KCTD1: variants seen among roughly 807,000 people sequenced by gnomAD.
The protein encoded by KCTD1 is potassium channel tetramerization domain containing 1.
A neutral mutation model predicts 66.0 loss-of-function variants in KCTD1; 24 were observed. The ratio of observed to expected loss-of-function variants is 0.36; its 90% CI spans 0.26 to 0.51. The LOEUF is 0.51. Ranked by LOEUF, KCTD1 falls within the 20% of genes least tolerant of loss-of-function variation. KCTD1 has a pLI of 0.95. For synonymous variants in KCTD1, 511 were observed against 517.2 expected, an observed-to-expected ratio of 0.99 and a Z score of 0.16; for missense variants, 943 against 1,205.2, an observed-to-expected ratio of 0.78 and a Z score of 3.22.
chr18:26,529,591 C>T (rs1984340992), intron 1 of KCTD1, among the ~76,000 whole-genome samples: 2 of 152,172 alleles, frequency 1.3e-5, no homozygotes. Context: ...CCAAGAGAAA[C>T]TAACCGTTGA....
intron 1 of KCTD1, among the ~76,000 whole-genome samples, chr18:26,601,910 T>G (rs1568006405): frequency 6.6e-6 from 1 of 152,162 alleles, no homozygotes; most frequent in Non-Finnish European, 1.5e-5. Context: ...TAGTATTTTA[T>G]ATATTAAAAA....
At chr18:26,477,279 A>G (rs1231379571) in intron 2 of KCTD1, among the ~76,000 whole-genome samples, 1 of 152,224 alleles carries the variant, frequency 6.6e-6, no homozygotes, top group African/African-American at 2.4e-5. Flanking sequence ...TACAAAAAAA[A>G]TTTGGCCACC....
intron 1 of KCTD1, among the ~76,000 whole-genome samples, chr18:26,622,016 AGTCCAGG>A (rs1987396820): frequency 6.6e-6 from 1 of 152,224 alleles, no homozygotes; most frequent in African/African-American, 2.4e-5. Context: ...GATGGATTCT[AGTCCAGG>A]TTTTCTCTCT....
At chr18:26,477,981 C>T (rs1981437227) in intron 2 of KCTD1, among the ~76,000 whole-genome samples, 1 of 152,176 alleles carries the variant, frequency 6.6e-6, no homozygotes, top group Non-Finnish European at 1.5e-5. Flanking sequence ...GGGATTCTTT[C>T]ACTGCATGCC....
intron 1 of KCTD1, among the ~76,000 whole-genome samples, chr18:26,657,075 G>T (rs1033588645): frequency 1.3e-5 from 2 of 151,366 alleles, no homozygotes; most frequent in African/African-American, 2.4e-5. Flanking sequence ...GCCCCTGCTG[G>T]CCGCACCCGC....
chr18:26,645,054 A>G (rs1987905756), upstream of KCTD1, among the ~76,000 whole-genome samples: 1 of 152,230 alleles, frequency 6.6e-6, no homozygotes, highest in South Asian at 2.1e-4. Flanking sequence ...TTCCAAGAAT[A>G]GTAATTCTGA....
At chr18:26,507,275 A>G (rs1015566207) in intron 1 of KCTD1, among the ~76,000 whole-genome samples, 5 of 152,244 alleles carry the variant, frequency 3.3e-5, no homozygotes, top group African/African-American at 1.2e-4. Flanking sequence ...AAACTTTGCT[A>G]GAATTTTTCT....
chr18:26,610,134 T>G lies in KCTD1; in HGVS notation c.-16+19013A>C, dbSNP rs541033646. Among the ~76,000 whole-genome samples the G allele has an allele frequency of 2.6e-5, 4 of 152,384 alleles. No homozygotes were observed. In the South Asian group the frequency reaches 8.3e-4, roughly 32 times the overall value. The stretch of plus-strand genomic sequence containing the variant: ...CTATGGTGTCTGTCCCTATCTATCT[T>G]GTAAGTCCACTTTGAGTTACTTTTT... On this transcript the variant is annotated intron_variant, in intron 1 of 4. Transcript: ENST00000317932.
chr18:26,595,837 C>G (rs1452131900), intron 1 of KCTD1, among the ~76,000 whole-genome samples: 1 of 152,164 alleles, frequency 6.6e-6, no homozygotes, highest in East Asian at 1.9e-4. Context: ...ACCATGAGTT[C>G]AAGACCAGCC....
intron 1 of KCTD1, among the ~76,000 whole-genome samples, chr18:26,576,909 G>A (rs1325104994): frequency 6.6e-6 from 1 of 152,080 alleles, no homozygotes; most frequent in African/African-American, 2.4e-5. Flanking sequence ...AACTGCCTTT[G>A]TCCATTACCA....
intron 1 of KCTD1, among the ~76,000 whole-genome samples, chr18:26,609,248 T>A (rs1987082810): frequency 6.6e-6 from 1 of 152,224 alleles, no homozygotes; most frequent in African/African-American, 2.4e-5. Context: ...CCCTTAGCAT[T>A]AAATATTTAA....
chr18:26,469,924 A>AAAAC (rs56839156), intron 3 of KCTD1, among the ~76,000 whole-genome samples: 41,641 of 151,628 alleles, frequency 0.27, 6,223 homozygotes, highest in African/African-American at 0.37. Flanking sequence ...CCATCTCAAA[A>AAAAC]AAACAAACAA....
rs1980901759 is a variant in KCTD1 at position 26,468,962 on chromosome 18, G to A, written c.2133+7553C>T. Among the ~76,000 whole-genome samples the A allele has an allele frequency of 6.6e-6, 1 of 152,202 alleles. No homozygotes were observed. The highest frequency in any genetic ancestry group is 2.1e-4 in the South Asian group (1 of 4,836). ...ACGTGCAGACTGAAAGCTCCTATGT[G>A]TACCTGTATTTGTGACTCCTGTAAA... On this transcript the variant is annotated intron_variant, in intron 3 of 4. Transcript: ENST00000580059. This position sits in a 1 kb window ranked among gnomAD's most constrained non-coding sequence, Gnocchi z 4.8.
chr18:26,461,515 A>C (rs1355900040), intron 3 of KCTD1, among the ~76,000 whole-genome samples: 2 of 152,218 alleles, frequency 1.3e-5, no homozygotes, highest in Non-Finnish European at 2.9e-5. Flanking sequence ...GCTGAAAACT[A>C]GGCTGAGGTG....
In KCTD1 at chr18:26,498,047, C is replaced by T. The variant is rs140649486; in HGVS notation, c.1988+3025G>A. Reference sequence around the variant, plus strand: ...ATGCTACATGTTGGGCACAGGGCCACGGTGTGCTTTTCACAATCACATTTA... The same window carrying T: ...ATGCTACATGTTGGGCACAGGGCCATGGTGTGCTTTTCACAATCACATTTA... On this transcript the variant is annotated intron_variant, in intron 2 of 4. Transcript: ENST00000580059. 1.3e-3 allele frequency among the ~76,000 whole-genome samples: 197 copies of T among 152,286 alleles called. 1 individual carries two copies. Among genetic ancestry groups the T allele is most frequent in the African/African-American group, 4.0e-3 (165 of 41,550 alleles).
At position 26,546,783 on chromosome 18, in the gene KCTD1, T is replaced by C. The variant is rs1211869775; in HGVS notation, c.1754A>G (p.His585Arg). ...PLPLLPEANG[H>R]RSTNSPTIVS... is the part of the protein sequence containing the mutation. ...TATTGTGGGAGAATTGGTGCTTCTG[T>C]GCCCATTGGCTTCTGGAAGAAGAGG... The change falls in exon 1 of 5, where the codon CAC becomes CGC. Residue 585 changes from histidine (H) to arginine (R), a missense_variant. Around this residue, in one of 10 missense-constraint regions of KCTD1, gnomAD observed 197 missense variants for 182.7 expected, o/e 1.08. Coordinates refer to ENST00000580059, the MANE Select transcript of KCTD1 (RefSeq NM_001142730.3). 2.6e-6 allele frequency: 4 copies of C among 1,549,680 alleles called. No individual in the cohort carries two copies. The highest frequency in any genetic ancestry group is 1.4e-5 in the African/African-American group (1 of 72,918).
chr18:26,552,195 T>C (rs1013664998), upstream of KCTD1, among the ~76,000 whole-genome samples: 2 of 152,214 alleles, frequency 1.3e-5, no homozygotes, highest in Non-Finnish European at 2.9e-5. Flanking sequence ...ACTCCAAATG[T>C]TTCCCCCTCG....
At chr18:26,540,680 C>T (rs73944617) in intron 1 of KCTD1, among the ~76,000 whole-genome samples, 2,908 of 152,200 alleles carry the variant, frequency 0.019, 72 homozygotes, top group African/African-American at 0.067. Context: ...TTTTCTCTGT[C>T]TTATGATTTT....
intron 1 of KCTD1, among the ~76,000 whole-genome samples, chr18:26,601,326 T>TTAAAAAAAAAAAAAA (rs1555646203): frequency 2.1e-5 from 2 of 93,264 alleles, no homozygotes; most frequent in African/African-American, 4.3e-5. Context: ...TGTTCATTGG[T>TTAAAAAAAAAAAAAA]AAAAAAAAAA....
Sources: allele counts gnomAD v4.1 joint callset (sites outside exome capture counted in the v4.1 genomes callset), GRCh38; gene constraint gnomAD v4.1.1; regional missense constraint gnomAD v4.1.1; non-coding constraint Gnocchi (gnomAD v3.1); transcripts MANE v1.5; gene names NCBI Gene and HGNC (gene_info 2026-07-23, HGNC 2026-07-21).